The following BCAP29 variants were observed in gnomAD, a reference collection of about 807,000 sequenced individuals.
The protein encoded by BCAP29 is B-cell receptor-associated protein 29.
A neutral mutation model predicts 31.8 loss-of-function variants in BCAP29; 34 were observed. The observed-to-expected ratio is 1.07, with a 90% CI of 0.81 to 1.42. The LOEUF (loss-of-function observed/expected upper bound fraction) is 1.42. BCAP29 is among the 40% of genes most tolerant of loss of function. BCAP29 has a pLI of 0.00. For synonymous variants in BCAP29, 104 were observed against 91.3 expected (o/e 1.14, Z -0.79); for missense variants, 314 against 269.2 (o/e 1.17, Z -1.16).
chr7:107,620,564 G>A (rs902134049), downstream of BCAP29: 35 of 152,104 alleles, frequency 2.3e-4, no homozygotes, highest in African/African-American at 7.7e-4. Context: ...TTCAAACACA[G>A]GAATGTTATT....
At chr7:107,608,195 T>G (rs1476866564) in intron 6 of BCAP29, among the ~76,000 whole-genome samples, 1 of 148,938 alleles carries the variant, frequency 6.7e-6, no homozygotes, top group African/African-American at 2.5e-5. Flanking sequence ...TGCAAATGAG[T>G]GGATTAAAAA....
At chr7:107,607,172 C>T (rs776660234) in intron 6 of BCAP29, among the ~76,000 whole-genome samples, 7 of 152,090 alleles carry the variant, frequency 4.6e-5, no homozygotes, top group Admixed American at 3.3e-4. Flanking sequence ...AAAAATTAAC[C>T]GGATGGTAGT....
chr7:107,586,939 A>G (rs1284278770), intron 3 of BCAP29, among the ~76,000 whole-genome samples: 1 of 151,850 alleles, frequency 6.6e-6, no homozygotes, highest in East Asian at 1.9e-4. Context: ...CATGTTTCCC[A>G]GGCTGGTCCC....
chr7:107,594,792 G>A (rs971172942), intron 4 of BCAP29, among the ~76,000 whole-genome samples: 3 of 152,164 alleles, frequency 2.0e-5, no homozygotes, highest in African/African-American at 4.8e-5. Context: ...GTGAGCCAAC[G>A]CGCCCGGCCT....
At chr7:107,590,957 G>A (rs914619175) in intron 3 of BCAP29, among the ~76,000 whole-genome samples, 1 of 152,130 alleles carries the variant, frequency 6.6e-6, no homozygotes, top group Non-Finnish European at 1.5e-5. Flanking sequence ...CAGTGTATCA[G>A]TAATTGTATT....
At chr7:107,595,600 CCAAG>C (rs1809667517) in intron 4 of BCAP29, among the ~76,000 whole-genome samples, 1 of 152,146 alleles carries the variant, frequency 6.6e-6, no homozygotes. Context: ...TTCTATTCCT[CCAAG>C]CTAAAGCCTT....
intron 3 of BCAP29, among the ~76,000 whole-genome samples, chr7:107,591,446 A>G (rs575832783): frequency 5.8e-4 from 88 of 152,230 alleles, no homozygotes; most frequent in Non-Finnish European, 9.6e-4. Context: ...GCAAAAAGGA[A>G]TTTTGACCGC....
At chr7:107,599,279 T>TA (rs1171183861) in intron 5 of BCAP29, among the ~76,000 whole-genome samples, 6 of 117,020 alleles carry the variant, frequency 5.1e-5, no homozygotes, top group African/African-American at 1.1e-4. Flanking sequence ...TATTTATATA[T>TA]AATTTTTATA....
intron 3 of BCAP29, chr7:107,587,586 T>C (rs1807933502): frequency 6.6e-6 from 1 of 152,096 alleles, no homozygotes; most frequent in African/African-American, 2.4e-5. Flanking sequence ...ACTATATTAT[T>C]GAGGCAATCT....
At chr7:107,615,597 G>GA (rs1040214863) in intron 7 of BCAP29, 4,238 of 196,558 alleles carry the variant, frequency 0.022, no homozygotes, top group South Asian at 0.044. Context: ...CTCCATCTCA[G>GA]AAAAAAAAAA....
rs1809730040 is a variant in BCAP29 at position 107,595,910 on chromosome 7, G to C, written c.388G>C (p.Glu130Gln). Residue 130 changes from glutamate (E) to glutamine (Q), a missense_variant, in exon 5 of 8, where the codon GAA becomes CAA. Physicochemically the swap from Glu to Gln is conservative, Grantham distance 29 (BLOSUM62 2). Transcript: ENST00000005259. ...LVTLITQLAK[E>Q]LSNKGVLKTQ... ...TACGCTTATTACTCAACTGGCAAAA[G>C]AACTGTCAAACAAAGGTGTACTTAA... 6.2e-7 allele frequency: 1 copy of C among 1,600,948 alleles called. No homozygotes were observed. Among genetic ancestry groups the C allele is most frequent in the Non-Finnish European group, 8.5e-7 (1 of 1,176,036 alleles).
chr7:107,582,258 A>G (rs963300316), intron 2 of BCAP29, among the ~76,000 whole-genome samples: 1 of 152,210 alleles, frequency 6.6e-6, no homozygotes, highest in African/African-American at 2.4e-5. Flanking sequence ...TCTTCCTGCC[A>G]AATAAAAATT....
intron 6 of BCAP29, among the ~76,000 whole-genome samples, chr7:107,606,468 GC>G (rs1298467133): frequency 3.3e-5 from 5 of 152,138 alleles, no homozygotes; most frequent in Non-Finnish European, 7.4e-5. Context: ...AGGTGATTAA[GC>G]CACATTCTTC....
At chr7:107,618,116 A>G (rs1037943056) in intron 7 of BCAP29, among the ~76,000 whole-genome samples, 2 of 152,172 alleles carry the variant, frequency 1.3e-5, no homozygotes, top group African/African-American at 4.8e-5. Context: ...AGGCAAGGGG[A>G]AAAATGAACT....
At chr7:107,604,327 T>C (rs1811697045) in intron 6 of BCAP29, among the ~76,000 whole-genome samples, 1 of 152,166 alleles carries the variant, frequency 6.6e-6, no homozygotes, top group Non-Finnish European at 1.5e-5. Flanking sequence ...GAAAAATAGC[T>C]GAAGTGTTTT....
intron 3 of BCAP29, among the ~76,000 whole-genome samples, chr7:107,593,576 C>T (rs1585095209): frequency 6.6e-6 from 1 of 152,070 alleles, no homozygotes; most frequent in African/African-American, 2.4e-5. Flanking sequence ...GGGATAGTCT[C>T]TTGGAATTGA....
chr7:107,614,121 G>A (rs1813709235), intron 7 of BCAP29, among the ~76,000 whole-genome samples: 1 of 152,196 alleles, frequency 6.6e-6, no homozygotes, highest in Admixed American at 6.5e-5. Context: ...TTCCCTCCCA[G>A]TTTCTCCCAA....
chr7:107,580,821 G>A lies in BCAP29; in HGVS notation c.49G>A (p.Gly17Arg). ...GGCAACCTTTCTTTATGCCGAAATA[G>A]GACTCATTTTAATCTTCTGCCTACC... ...AVATFLYAEI[G>R]LILIFCLPFI... The change falls in exon 2 of 8, where the codon GGA (glycine) becomes AGA (arginine). Residue 17 changes from glycine to arginine, a missense_variant. Transcript: ENST00000005259. 15 of 1,590,818 alleles carry A rather than the reference G, an allele frequency of 9.4e-6. No homozygotes were observed. The highest frequency in any genetic ancestry group is 1.3e-5 in the Non-Finnish European group (15 of 1,170,444).
At chr7:107,582,457 A>G (rs1325149617) in intron 2 of BCAP29, among the ~76,000 whole-genome samples, 3 of 152,200 alleles carry the variant, frequency 2.0e-5, no homozygotes, top group Non-Finnish European at 4.4e-5. Flanking sequence ...CTTTAAAGAA[A>G]ATATTTCATC....
Sources: gnomAD v4.1 joint callset for allele counts (sites outside exome capture counted in the v4.1 genomes callset) on GRCh38, gnomAD v4.1.1 for gene constraint, MANE v1.5 for transcripts, NCBI Gene and HGNC (gene_info 2026-07-23, HGNC 2026-07-21) for gene names.